Variants in DPF3 observed in about 807,000 individuals in gnomAD.
The protein encoded by DPF3 is double PHD fingers 3, also known as zinc finger protein DPF3.
DPF3 carries 18 observed loss-of-function variants against 56.8 expected under a neutral mutation model. The ratio of observed to expected loss-of-function variants is 0.32; its 90% CI spans 0.22 to 0.47. The LOEUF (loss-of-function observed/expected upper bound fraction) is 0.47. Among genes scored for constraint, DPF3 ranks in the 20% least tolerant of loss-of-function variants. The pLI is 1.00. For synonymous variants in DPF3, 188 were observed against 180.2 expected (o/e 1.04, Z -0.35); for missense variants, 403 against 488.8 (o/e 0.82, Z 1.65).
chr14:72,777,929 A>G (rs1891812871), intron 1 of DPF3, among the ~76,000 whole-genome samples: 1 of 152,178 alleles, frequency 6.6e-6, no homozygotes, highest in Non-Finnish European at 1.5e-5. Context: ...GTATTTCTTT[A>G]TAGCAATACA....
intron 1 of DPF3, among the ~76,000 whole-genome samples, chr14:72,868,568 G>A (rs988239318): frequency 6.6e-6 from 1 of 152,160 alleles, no homozygotes; most frequent in African/African-American, 2.4e-5. Context: ...AGTCACACAG[G>A]TGCCCCTCCT....
intron 6 of DPF3, among the ~76,000 whole-genome samples, chr14:72,705,505 C>T (rs1338180093): frequency 6.6e-6 from 1 of 152,110 alleles, no homozygotes; most frequent in African/African-American, 2.4e-5. Context: ...TGCCCTCCGC[C>T]CCTGGTCCGT....
intron 8 of DPF3, among the ~76,000 whole-genome samples, chr14:72,660,064 G>A (rs536423540): frequency 2.0e-5 from 3 of 152,242 alleles, no homozygotes; most frequent in Non-Finnish European, 2.9e-5. Context: ...TGGGGAGTAC[G>A]TGTTTAAATG....
At chr14:72,650,327 G>A (rs1160822401) in intron 8 of DPF3, among the ~76,000 whole-genome samples, 1 of 152,216 alleles carries the variant, frequency 6.6e-6, no homozygotes, top group Non-Finnish European at 1.5e-5. Context: ...TAGAAAGGCT[G>A]AAAACACAAA....
intron 1 of DPF3, among the ~76,000 whole-genome samples, chr14:72,800,514 A>G (rs573871275): frequency 2.1e-4 from 32 of 152,082 alleles, no homozygotes; most frequent in African/African-American, 6.8e-4. Context: ...GCATGGATGG[A>G]TGGATGGTTG....
intron 1 of DPF3, among the ~76,000 whole-genome samples, chr14:72,822,429 T>A (rs2877820): frequency 4.8e-5 from 6 of 125,246 alleles, no homozygotes; most frequent in African/African-American, 8.4e-5. Context: ...TGTTAAAAAA[T>A]TTTTAAAGGT....
chr14:72,825,552 AG>A (rs767718455), intron 1 of DPF3, among the ~76,000 whole-genome samples: 3 of 152,250 alleles, frequency 2.0e-5, no homozygotes, highest in Non-Finnish European at 4.4e-5. Flanking sequence ...AAAATTTCAC[AG>A]GATCACCTGA....
chr14:72,851,144 G>A (rs771881377), intron 1 of DPF3, among the ~76,000 whole-genome samples: 4 of 152,172 alleles, frequency 2.6e-5, no homozygotes, highest in Non-Finnish European at 5.9e-5. Flanking sequence ...TGAGGACCAG[G>A]TGCTAGAGAA....
At chr14:72,740,443 T>C (rs1599399208) in intron 3 of DPF3, among the ~76,000 whole-genome samples, 2 of 152,178 alleles carry the variant, frequency 1.3e-5, no homozygotes, top group South Asian at 4.1e-4. Context: ...CTATGCACGA[T>C]ATGGACAGAG....
chr14:72,821,265 C>T (rs1484353694), intron 1 of DPF3, among the ~76,000 whole-genome samples: 3 of 151,978 alleles, frequency 2.0e-5, no homozygotes, highest in Non-Finnish European at 4.4e-5. Flanking sequence ...GCTTGGGCAA[C>T]AGAGTAGGAC....
Position 72,827,492 on chromosome 14 carries a change from T to C in DPF3, c.33-55599A>G, listed in dbSNP as rs1043359631. ...TCAACAACCATTCCCTTTACTCTTT[T>C]TTTTTTTTTTTTTTTTTTTTTTTTG... On this transcript the variant is annotated intron_variant, in intron 1 of 10. Transcript: ENST00000556509. 2.8e-5 allele frequency among the ~76,000 whole-genome samples: 3 copies of C among 105,394 alleles called. No homozygotes were observed. The South Asian group carries it at 1.2e-3, about 42-fold the overall frequency. The allele number at this position is 105,394 out of a possible 152,430, so 69.1% of individuals were successfully genotyped here.
At position 72,716,178 on chromosome 14, in the gene DPF3, G is replaced by A. The variant is rs377203800; in HGVS notation, c.526-1677C>T. Among the ~76,000 whole-genome samples, 160 of 152,072 alleles carry A rather than the reference G, an allele frequency of 1.1e-3. 3 individuals are homozygous for A. In the South Asian group the frequency reaches 0.027, roughly 26 times the overall value. ...ACCTCCATGGGGAAGGGGAGGAGTC[G>A]AGCAGAACTGGATGTACGAGGGCTT... is the stretch of plus-strand genomic sequence containing the variant. On this transcript the variant is annotated intron_variant, in intron 5 of 10. Transcript: ENST00000556509.
At chr14:72,635,548 C>A (rs1885360561) in intron 8 of DPF3, among the ~76,000 whole-genome samples, 1 of 152,230 alleles carries the variant, frequency 6.6e-6, no homozygotes, top group Non-Finnish European at 1.5e-5. Flanking sequence ...TAATACACAA[C>A]TGCCCCAACA....
intron 6 of DPF3, among the ~76,000 whole-genome samples, chr14:72,696,641 C>T (rs775058983): frequency 6.6e-6 from 1 of 152,212 alleles, no homozygotes; most frequent in Non-Finnish European, 1.5e-5. Flanking sequence ...TAAGCTCAGA[C>T]TAATTGTTCT....
chr14:72,680,988 C>G (rs1275578320), intron 7 of DPF3, among the ~76,000 whole-genome samples: 1 of 152,216 alleles, frequency 6.6e-6, no homozygotes, highest in Non-Finnish European at 1.5e-5. Context: ...CATCACTGTT[C>G]TATACTCATG....
intron 1 of DPF3, among the ~76,000 whole-genome samples, chr14:72,783,665 C>T (rs960139444): frequency 3.3e-5 from 5 of 152,218 alleles, no homozygotes; most frequent in East Asian, 1.9e-4. Flanking sequence ...GGTAGATAAA[C>T]GATGCCATTC....
At chr14:72,833,179 C>T (rs999724331) in intron 1 of DPF3, among the ~76,000 whole-genome samples, 4 of 152,092 alleles carry the variant, frequency 2.6e-5, no homozygotes, top group East Asian at 3.9e-4. Flanking sequence ...GCAGTCTGAG[C>T]GGGAGTGAAC....
At chr14:72,855,282 A>T (rs2140089461) in intron 1 of DPF3, among the ~76,000 whole-genome samples, 1 of 152,354 alleles carries the variant, frequency 6.6e-6, no homozygotes, top group Middle Eastern at 3.4e-3. Flanking sequence ...GACAATTTTT[A>T]AAAATCAGTA....
At chr14:72,716,850 TA>T (rs1888951581) in intron 5 of DPF3, among the ~76,000 whole-genome samples, 1 of 152,154 alleles carries the variant, frequency 6.6e-6, no homozygotes, top group Non-Finnish European at 1.5e-5. Context: ...TTGCACACCC[TA>T]ATCCAGGAGC....
Sources: gnomAD v4.1 joint callset for allele counts (sites outside exome capture counted in the v4.1 genomes callset) on GRCh38, gnomAD v4.1.1 for gene constraint, MANE v1.5 for transcripts, NCBI Gene and HGNC (gene_info 2026-07-23, HGNC 2026-07-21) for gene names.